Variants in KLHL8 observed in about 807,000 individuals in gnomAD.
KLHL8 encodes kelch-like protein 8.
Under a neutral mutation model 63.5 loss-of-function variants are expected in KLHL8, and 38 were observed. That is an observed-to-expected ratio of 0.60 (90% CI 0.46 to 0.78). KLHL8 has a LOEUF of 0.78. Ranked by LOEUF, KLHL8 falls within the 30% of genes least tolerant of loss-of-function variation. The pLI is 0.00. For synonymous variants in KLHL8, 224 were observed against 254.3 expected, an observed-to-expected ratio of 0.88 and a Z score of 1.13; for missense variants, 566 against 752.4, an observed-to-expected ratio of 0.75 and a Z score of 2.90.
Position 87,195,403 on chromosome 4 carries a change from G to T in KLHL8, c.137C>A (p.Ala46Glu), listed in dbSNP as rs1425810792. ...GDGEDSFIFEANEAWKDFHGS... is the reference protein window; with the variant it reads ...GDGEDSFIFEENEAWKDFHGS... The stretch of plus-strand genomic sequence containing the variant: ...ATGAAAATCTTTCCAAGCTTCATTT[G>T]CTTCAAAAATAAAGGAATCTTCTCC... The change falls in exon 2 of 10, where the codon GCA becomes GAA. Residue 46 changes from alanine (A) to glutamate (E), a missense_variant. Transcript: ENST00000273963. 1 of 1,613,666 alleles carries T rather than the reference G, an allele frequency of 6.2e-7. No homozygotes were observed. The highest frequency in any genetic ancestry group is 1.1e-5 in the South Asian group (1 of 91,066).
rs1260807595 is a variant in KLHL8, at chr4:87,163,353, T to C, written c.*166A>G. 4 of 563,900 alleles carry C rather than the reference T, an allele frequency of 7.1e-6. No individual in the cohort carries two copies. Among genetic ancestry groups the C allele is most frequent in the Non-Finnish European group, 1.2e-5 (4 of 339,032 alleles). The allele number at this position is 563,900 out of a possible 1,614,324, so 34.9% of individuals were successfully genotyped here. A position where few individuals can be genotyped will look rare whatever the true frequency, so the allele number is the denominator to read the frequency against. ...TCAAATTTAACTCTATTACTAATAA[T>C]TCTTCAGGTATCATTCCAAAAGTTG... On this transcript the variant is annotated 3_prime_UTR_variant, in exon 10 of 10. Coordinates refer to ENST00000273963, the MANE Select transcript of KLHL8 (RefSeq NM_020803.5).
chr4:87,239,692 A>C (rs1342993327), intron 1 of KLHL8, among the ~76,000 whole-genome samples: 1 of 152,158 alleles, frequency 6.6e-6, no homozygotes, highest in Non-Finnish European at 1.5e-5. Context: ...ACATCCTCAG[A>C]GGATGAATTT....
At position 87,185,549 on chromosome 4, in the gene KLHL8, C is replaced by G; in HGVS notation, c.467G>C (p.Cys156Ser). 3 of 1,614,184 alleles carry G rather than the reference C, an allele frequency of 1.9e-6. No homozygotes were observed. Among genetic ancestry groups the G allele is most frequent in the Middle Eastern group, 1.6e-4 (1 of 6,062 alleles). ...ILQVELVARA[C>S]CEYMKLHFHP... ...AAAATGTAACTTCATGTATTCACAA[C>G]AAGCTCTAGCCACCAGTTCAACCTG... The change falls in exon 3 of 10, where the codon TGT (cysteine) becomes TCT (serine). Residue 156 changes from cysteine (C) to serine (S), a missense_variant. Cys to Ser is a moderately radical substitution (Grantham distance 112). Transcript: ENST00000273963.
intron 1 of KLHL8, among the ~76,000 whole-genome samples, chr4:87,200,430 A>T (rs970591303): frequency 6.6e-6 from 1 of 152,228 alleles, no homozygotes; most frequent in Non-Finnish European, 1.5e-5. Context: ...CTATGTAAAT[A>T]GTTGTTATAT....
intron 1 of KLHL8, among the ~76,000 whole-genome samples, chr4:87,204,488 G>A (rs372689197): frequency 5.3e-5 from 8 of 152,084 alleles, no homozygotes; most frequent in African/African-American, 1.2e-4. Context: ...ATGAATGCTC[G>A]TGTTTACACA....
chr4:87,223,234 A>G (rs1042942968), upstream of KLHL8, among the ~76,000 whole-genome samples: 8 of 151,988 alleles, frequency 5.3e-5, no homozygotes, highest in African/African-American at 1.9e-4. Flanking sequence ...TTGGCCTCCC[A>G]AAGTGCTGGG....
intron 6 of KLHL8, 52 bp from the exon 7 acceptor site, chr4:87,170,667 A>G (rs1195550955): frequency 6.7e-7 from 1 of 1,500,560 alleles, no homozygotes; most frequent in East Asian, 2.3e-5. Context: ...TCCAGGAAAA[A>G]AAGTCATATA....
intron 1 of KLHL8, among the ~76,000 whole-genome samples, chr4:87,235,549 A>T (rs1305548573): frequency 6.6e-6 from 1 of 152,240 alleles, no homozygotes; most frequent in Admixed American, 6.5e-5. Flanking sequence ...TGAAGAAAGT[A>T]TAAAAATATC....
rs1578383833 is a variant in KLHL8, at chr4:87,195,482, T to A, written c.58A>T (p.Arg20Trp). 6.2e-7 allele frequency: 1 copy of A among 1,613,482 alleles called. No individual in the cohort carries two copies. Among genetic ancestry groups the A allele is most frequent in the East Asian group, 2.2e-5 (1 of 44,816 alleles). The change falls in exon 2 of 10, where the codon AGG becomes TGG. Residue 20 changes from arginine to tryptophan, a missense_variant. Coordinates refer to ENST00000273963, the MANE Select transcript of KLHL8 (RefSeq NM_020803.5). ...QARNHITKGK[R>W]QQQHQQIKNR... ...TTTATTTGCTGGTGCTGTTGTTGCC[T>A]TTTCCCCTTTGTAATGTGATTCCTA...
At position 87,163,912 on chromosome 4, in the gene KLHL8, T is replaced by C; in HGVS notation, c.1705A>G (p.Asn569Asp). The C allele has an allele frequency of 6.2e-7, 1 of 1,614,132 alleles. No homozygotes were observed. The highest frequency in any genetic ancestry group is 8.5e-7 in the Non-Finnish European group (1 of 1,179,998). Residue 569 changes from asparagine to aspartate, a missense_variant, in exon 9 of 10, where the codon AAT (asparagine) becomes GAT (aspartate). Transcript: ENST00000273963. ...ACTGGATCAAACGCTTCTACTGTAT[T>C]TAAGTATGCATTGCCATTATGACCA... Reference protein sequence around the residue: ...VGGHNGNAYLNTVEAFDPVLN... With the variant: ...VGGHNGNAYLDTVEAFDPVLN...
chr4:87,165,103 TTGTG>T lies in KLHL8; in HGVS notation c.1538-1028_1538-1025del, dbSNP rs1231525270. Among the ~76,000 whole-genome samples, 195 of 146,568 alleles carry T rather than the reference TTGTG, an allele frequency of 1.3e-3. 1 individual carries two copies. The highest frequency in any genetic ancestry group is 2.1e-3 in the Non-Finnish European group (140 of 67,226). On this transcript the variant is annotated intron_variant, in intron 8 of 9. Coordinates refer to ENST00000273963, the MANE Select transcript of KLHL8 (RefSeq NM_020803.5). ...GGCGGACGCTTGCAGTGAGCCGAGA[TTGTG>T]CCACTGCACTCCAGCCTGGGCGACA...
intron 1 of KLHL8, among the ~76,000 whole-genome samples, chr4:87,209,882 T>C (rs1443158849): frequency 7.4e-6 from 1 of 134,620 alleles, no homozygotes; most frequent in Non-Finnish European, 1.5e-5. Flanking sequence ...AGGCAAGGCC[T>C]GGCTCTATTG....
chr4:87,186,183 C>T (rs911172942), intron 2 of KLHL8, among the ~76,000 whole-genome samples: 34 of 151,878 alleles, frequency 2.2e-4, no homozygotes, highest in East Asian at 7.8e-4. Context: ...GGATTACAGG[C>T]GTGCACCACC....
At chr4:87,186,457 A>G (rs1010064523) in intron 2 of KLHL8, among the ~76,000 whole-genome samples, 1 of 151,040 alleles carries the variant, frequency 6.6e-6, no homozygotes. Flanking sequence ...AGCACTCATT[A>G]CATGCCAACC....
At chr4:87,226,794 T>A (rs1300795297) in intron 1 of KLHL8, among the ~76,000 whole-genome samples, 1 of 12,236 alleles carries the variant, frequency 8.2e-5, no homozygotes, top group South Asian at 2.1e-3. Flanking sequence ...TAATATATAT[T>A]ATATATAATA....
chr4:87,164,881 G>C (rs1050636259), intron 8 of KLHL8, among the ~76,000 whole-genome samples: 5 of 152,082 alleles, frequency 3.3e-5, no homozygotes, highest in African/African-American at 1.2e-4. Flanking sequence ...GGGCGCGGTG[G>C]CTCACGCCTG....
At chr4:87,176,052 T>A (rs1316434405) in intron 6 of KLHL8, among the ~76,000 whole-genome samples, 1 of 152,194 alleles carries the variant, frequency 6.6e-6, no homozygotes, top group Non-Finnish European at 1.5e-5. Context: ...GTAAGAAGCA[T>A]AAGGATGTTT....
chr4:87,178,570 T>C lies in KLHL8; in HGVS notation c.1003A>G (p.Ser335Gly). The stretch of plus-strand genomic sequence containing the variant: ...TTGTTGATAGAATAGCATTCAATAC[T>C]GCGAAAGGGGTCACCAGATCCACCT... ...GRGGSGDPFR[S>G]IECYSINKNS... Residue 335 changes from serine (S) to glycine (G), a missense_variant, in exon 5 of 10, where the codon AGT becomes GGT. Coordinates refer to ENST00000273963, the MANE Select transcript of KLHL8 (RefSeq NM_020803.5). 1 of 1,610,148 alleles carries C rather than the reference T, an allele frequency of 6.2e-7. No homozygotes were observed. Among genetic ancestry groups the C allele is most frequent in the Non-Finnish European group, 8.5e-7 (1 of 1,179,138 alleles).
chr4:87,226,850 TATATAAATAATATA>T (rs1733017468), intron 1 of KLHL8, among the ~76,000 whole-genome samples: 3 of 27,646 alleles, frequency 1.1e-4, no homozygotes, highest in Non-Finnish European at 1.1e-4. Flanking sequence ...ATATATATTA[TATATAAATAATATA>T]TATTATATAT....
Sources: gnomAD v4.1 joint callset for allele counts (sites outside exome capture counted in the v4.1 genomes callset) on GRCh38, gnomAD v4.1.1 for gene constraint, MANE v1.5 for transcripts, NCBI Gene and HGNC (gene_info 2026-07-23, HGNC 2026-07-21) for gene names.